The following FHIT variants were observed in gnomAD, a reference collection of about 807,000 sequenced individuals.
FHIT encodes the protein bis(5'-adenosyl)-triphosphatase.
Under a neutral mutation model 17.9 loss-of-function variants are expected in FHIT, and 19 were observed. The observed-to-expected ratio is 1.06, with a 90% confidence interval of 0.74 to 1.56. FHIT has a LOEUF of 1.56. Among genes scored for constraint, FHIT ranks in the 40% most tolerant of loss-of-function variants. The pLI, the probability that FHIT is intolerant of heterozygous loss-of-function variation, is 0.00. For missense variants in FHIT, 248 were observed against 189.2 expected, an observed-to-expected ratio of 1.31 and a Z score of -1.82; for synonymous variants, 81 against 69.7, an observed-to-expected ratio of 1.16 and a Z score of -0.81.
intron 7 of FHIT, among the ~76,000 whole-genome samples, chr3:59,944,209 A>T (rs142913248): frequency 5.1e-4 from 77 of 152,338 alleles, no homozygotes; most frequent in African/African-American, 1.7e-3. Flanking sequence ...AAAATATAAC[A>T]TACCTATAGT....
chr3:60,872,874 C>G (rs1486370556), intron 3 of FHIT, among the ~76,000 whole-genome samples: 1 of 152,028 alleles, frequency 6.6e-6, no homozygotes, highest in African/African-American at 2.4e-5. Flanking sequence ...CAACAACTCA[C>G]AAAAGTCTAG....
chr3:60,746,447 G>A (rs1357340189), intron 4 of FHIT, among the ~76,000 whole-genome samples: 4 of 152,192 alleles, frequency 2.6e-5, no homozygotes, highest in African/African-American at 9.7e-5. Context: ...AGGAGCGACA[G>A]CAGCGGCCTA....
chr3:60,702,777 C>T (rs1400693347), intron 4 of FHIT, among the ~76,000 whole-genome samples: 1 of 152,098 alleles, frequency 6.6e-6, no homozygotes, highest in Non-Finnish European at 1.5e-5. Context: ...GCAAATATTC[C>T]TGTGTATTCT....
chr3:60,555,237 G>C (rs556910586), intron 4 of FHIT, among the ~76,000 whole-genome samples: 87 of 128,586 alleles, frequency 6.8e-4, no homozygotes, highest in African/African-American at 3.3e-3. Flanking sequence ...AGAAGATGTC[G>C]GTTAAAGGAA....
chr3:60,782,237 G>GTATATATATA (rs11272366), intron 4 of FHIT, among the ~76,000 whole-genome samples: 5 of 95,530 alleles, frequency 5.2e-5, no homozygotes, highest in African/African-American at 7.1e-5. Flanking sequence ...GTGTGTGTGT[G>GTATATATATA]TATATATATA....
chr3:60,907,954 T>C (rs782392187), intron 3 of FHIT, among the ~76,000 whole-genome samples: 4 of 152,232 alleles, frequency 2.6e-5, no homozygotes, highest in Non-Finnish European at 4.4e-5. Flanking sequence ...GGCTAGTAAG[T>C]GGAGTAGCTG....
Position 60,385,929 on chromosome 3 carries a change from T to G in FHIT, c.103+150931A>C, listed in dbSNP as rs555727272. On this transcript the variant is annotated intron_variant, in intron 5 of 9. Transcript: ENST00000492590. Reference sequence around the variant, plus strand: ...AAGAGATTAACCCTACCCTGGGGAATCGATGTCAAAAGTTGGGAATATCTT... The same window carrying G: ...AAGAGATTAACCCTACCCTGGGGAAGCGATGTCAAAAGTTGGGAATATCTT... Among the ~76,000 whole-genome samples, 6 of 152,242 alleles carry G rather than the reference T, an allele frequency of 3.9e-5. No homozygotes were observed. In the East Asian group the frequency reaches 9.7e-4, roughly 25 times the overall value.
At chr3:59,985,196 C>T (rs1011660496) in intron 7 of FHIT, among the ~76,000 whole-genome samples, 1 of 152,068 alleles carries the variant, frequency 6.6e-6, no homozygotes, top group Non-Finnish European at 1.5e-5. Context: ...ATTTGCCCAT[C>T]TGGGGATTGA....
Position 61,235,188 on chromosome 3 carries a change from C to CT in FHIT, c.-213+16112dup, listed in dbSNP as rs11396147. 6.0e-3 allele frequency among the ~76,000 whole-genome samples: 913 copies of CT among 152,230 alleles called. 9 individuals carry two copies. The highest frequency in any genetic ancestry group is 0.021 in the African/African-American group (880 of 41,526). On this transcript the variant is annotated intron_variant, in intron 1 of 9. Coordinates refer to ENST00000492590, the MANE Select transcript of FHIT (RefSeq NM_002012.4). ...CAGGCAGGTCTGACCTTTTTGCCAC[C>CT]TAAGGACATTAGCTATTAGAGCTCA...
chr3:59,882,200 G>A (rs780530608), intron 8 of FHIT, among the ~76,000 whole-genome samples: 1 of 146,000 alleles, frequency 6.8e-6, no homozygotes, highest in Non-Finnish European at 1.5e-5. Flanking sequence ...AATGCAAAAT[G>A]TAAAAGTCTT....
intron 3 of FHIT, among the ~76,000 whole-genome samples, chr3:61,018,757 G>A (rs983330149): frequency 1.3e-5 from 2 of 152,116 alleles, no homozygotes; most frequent in African/African-American, 4.8e-5. Flanking sequence ...TTTAATCACT[G>A]TCTGTTTTTT....
chr3:60,589,892 AT>A (rs566894794), intron 4 of FHIT, among the ~76,000 whole-genome samples: 138 of 152,082 alleles, frequency 9.1e-4, no homozygotes, highest in African/African-American at 3.1e-3. Flanking sequence ...TGGCATTCTA[AT>A]TTATCATCTT....
chr3:60,047,991 A>C (rs1701719690), intron 5 of FHIT, among the ~76,000 whole-genome samples: 1 of 152,180 alleles, frequency 6.6e-6, no homozygotes, highest in African/African-American at 2.4e-5. Flanking sequence ...CTGAAAGTCC[A>C]AGATCAAGGC....
intron 4 of FHIT, among the ~76,000 whole-genome samples, chr3:60,563,084 T>G (rs1348313578): frequency 6.6e-6 from 1 of 152,156 alleles, no homozygotes; most frequent in Non-Finnish European, 1.5e-5. Flanking sequence ...CGTGAAACTT[T>G]GGAGCAGTGA....
chr3:60,061,019 A>AG (rs1241484370), intron 5 of FHIT, among the ~76,000 whole-genome samples: 1 of 152,202 alleles, frequency 6.6e-6, no homozygotes, highest in Non-Finnish European at 1.5e-5. Context: ...AAATCAAGCA[A>AG]GGAGCTATTG....
At chr3:60,558,879 T>C (rs534940360) in intron 4 of FHIT, among the ~76,000 whole-genome samples, 1 of 152,218 alleles carries the variant, frequency 6.6e-6, no homozygotes, top group Non-Finnish European at 1.5e-5. Flanking sequence ...CAGGGAAACT[T>C]TTCATGGCAG....
chr3:60,143,313 C>T (rs957626675), intron 5 of FHIT, among the ~76,000 whole-genome samples: 30 of 152,118 alleles, frequency 2.0e-4, no homozygotes, highest in African/African-American at 7.0e-4. Context: ...CCTAGGACTT[C>T]CTTAGGCCCT....
chr3:59,913,638 T>C (rs1353600157), intron 8 of FHIT, among the ~76,000 whole-genome samples: 1 of 152,158 alleles, frequency 6.6e-6, no homozygotes, highest in Non-Finnish European at 1.5e-5. Context: ...ATGACAATAA[T>C]AATTGTATTA....
intron 8 of FHIT, among the ~76,000 whole-genome samples, chr3:59,916,043 C>A (rs35510391): frequency 0.2 from 30,920 of 151,860 alleles, 3,556 homozygotes; most frequent in Middle Eastern, 0.32. Context: ...AGTATTGTTA[C>A]TGGGTGTGTC....
Sources: gnomAD v4.1 joint callset for allele counts (sites outside exome capture counted in the v4.1 genomes callset) on GRCh38, gnomAD v4.1.1 for gene constraint, MANE v1.5 for transcripts, NCBI Gene and HGNC (gene_info 2026-07-23, HGNC 2026-07-21) for gene names.